The following TRRAP variants were observed in gnomAD, a reference collection of about 807,000 sequenced individuals.
TRRAP encodes the protein transformation/transcription domain-associated protein.
In TRRAP, 41 loss-of-function variants were observed where a neutral mutation model predicts 438.8. That is an observed-to-expected ratio of 0.09 (90% CI 0.07 to 0.12). The LOEUF is 0.12. TRRAP is among the 10% of genes least tolerant of loss of function. The pLI is 1.00. For synonymous variants in TRRAP, 1,994 were observed against 1,962.9 expected (o/e 1.02, Z -0.42); for missense variants, 3,122 against 5,055.1 (o/e 0.62, Z 11.60).
chr7:98,963,326 A>G (rs1792003135), intron 47 of TRRAP, among the ~76,000 whole-genome samples: 1 of 151,968 alleles, frequency 6.6e-6, no homozygotes, highest in African/African-American at 2.4e-5. Context: ...GAGAGTGAGG[A>G]GTGCTTCTGG....
At chr7:98,974,130 C>A (rs989124304) in intron 53 of TRRAP, among the ~76,000 whole-genome samples, 1 of 152,144 alleles carries the variant, frequency 6.6e-6, no homozygotes, top group African/African-American at 2.4e-5. Context: ...AAGTGCTAAT[C>A]CCTCAGGAGG....
At chr7:98,881,354 C>G in intron 2 of TRRAP, 104 bp downstream of exon 2, 1 of 1,036,686 alleles carries the variant, frequency 9.6e-7, no homozygotes, top group Non-Finnish European at 1.4e-6. Flanking sequence ...GGGTGGATCA[C>G]CTGATGTCAG....
intron 69 of TRRAP, among the ~76,000 whole-genome samples, chr7:99,006,024 G>T (rs1398660821): frequency 6.6e-6 from 1 of 152,186 alleles, no homozygotes; most frequent in East Asian, 1.9e-4. Flanking sequence ...TTCATTCCTG[G>T]GTGAAATGCA....
chr7:98,928,170 G>A (rs1790141204), intron 23 of TRRAP, among the ~76,000 whole-genome samples: 1 of 152,086 alleles, frequency 6.6e-6, no homozygotes, highest in African/African-American at 2.4e-5. Context: ...CCTGGGAGGC[G>A]GAGGTTGTGG....
intron 51 of TRRAP, among the ~76,000 whole-genome samples, chr7:98,969,291 C>G (rs1792300815): frequency 6.6e-6 from 1 of 152,224 alleles, no homozygotes; most frequent in Non-Finnish European, 1.5e-5. Flanking sequence ...CTCTGCATCC[C>G]CATCTCATCC....
At chr7:98,999,250 G>C in intron 67 of TRRAP, 1 of 1,180,642 alleles carries the variant, frequency 8.5e-7, no homozygotes, top group East Asian at 2.3e-5. Flanking sequence ...TCACTGCCCA[G>C]CTTCTCGCAG....
intron 3 of TRRAP, among the ~76,000 whole-genome samples, chr7:98,888,745 C>T (rs1448046780): frequency 6.6e-6 from 1 of 152,140 alleles, no homozygotes; most frequent in East Asian, 1.9e-4. Context: ...AAGGTGTCCT[C>T]CGCCCTTGGT....
At chr7:98,964,848 G>A in intron 48 of TRRAP, 73 bp downstream of exon 48, 2 of 1,493,698 alleles carry the variant, frequency 1.3e-6, no homozygotes, top group Non-Finnish European at 1.8e-6. Flanking sequence ...GTGCAGGCTG[G>A]GGCTGAACTC....
At position 98,910,217 on chromosome 7, in the gene TRRAP, T is replaced by TCCCCCCCCCCCCCCCCCCCC; in HGVS notation, c.1512_1513insCCCCCCCCCCCCCCCCCCCC (p.Ala505ProfsTer22). ...CTGCTCCCTCCCCAGCCCCTGTCCC[T>TCCCCCCCCCCCCCCCCCCCC]GCCCCACCTCCACCCCCGCCCCCAC... On this transcript the variant is annotated frameshift_variant, in exon 15 of 73. Coordinates refer to ENST00000456197, the MANE Select transcript of TRRAP (RefSeq NM_001375524.1). LOFTEE classifies it high-confidence loss of function. 1 of 1,045,586 alleles carries TCCCCCCCCCCCCCCCCCCCC rather than the reference T, an allele frequency of 9.6e-7. No homozygotes were observed. The highest frequency in any genetic ancestry group is 1.2e-6 in the Non-Finnish European group (1 of 806,028). 64.8% of individuals were successfully genotyped at this position (1,045,586 alleles called of 1,614,324 possible). A position where few individuals can be genotyped will look rare whatever the true frequency, so the allele number is the denominator to read the frequency against.
At position 98,965,732 on chromosome 7, in the gene TRRAP, T is replaced by G; in HGVS notation, c.7013T>G (p.Val2338Gly). The change falls in exon 49 of 73, where the codon GTG (valine) becomes GGG (glycine). Residue 2338 changes from valine (V) to glycine (G), a missense_variant. Val to Gly is a moderately radical substitution (Grantham distance 109). This residue lies in a region of TRRAP where 992 missense variants were observed against 1,281.2 expected (regional missense o/e 0.77). Transcript: ENST00000456197. ...SELVMLSLEL[V>G]KTRLAVMSME... ...CTGGTGATGCTGAGTCTGGAGCTGG[T>G]GAAGACGCGCCTGGCAGTGATGAGC... 1 of 1,614,110 alleles carries G rather than the reference T, an allele frequency of 6.2e-7. No homozygotes were observed. The highest frequency in any genetic ancestry group is 8.5e-7 in the Non-Finnish European group (1 of 1,180,022).
In TRRAP at chr7:98,917,814, T is replaced by C. The variant is rs1353695452; in HGVS notation, c.2622+135T>C. On this transcript the variant is annotated intron_variant, in intron 20 of 72. Coordinates refer to ENST00000456197, the MANE Select transcript of TRRAP (RefSeq NM_001375524.1). Reference sequence around the variant, plus strand: ...CTGTTTAATTCATCTTCGTGAGTCTTCTGGTGGATTGAAATATGTAAAGAA... The same window carrying C: ...CTGTTTAATTCATCTTCGTGAGTCTCCTGGTGGATTGAAATATGTAAAGAA... 5 of 1,252,740 alleles carry C rather than the reference T, an allele frequency of 4.0e-6. No homozygotes were observed. The African/African-American group carries it at 7.6e-5, about 19-fold the overall frequency. 77.6% of individuals were successfully genotyped at this position (1,252,740 alleles called of 1,614,324 possible).
chr7:98,936,576 G>C (rs1790565625), intron 28 of TRRAP, among the ~76,000 whole-genome samples: 1 of 152,198 alleles, frequency 6.6e-6, no homozygotes, highest in Non-Finnish European at 1.5e-5. Context: ...AAGCTGGGTA[G>C]TGAAGAAAGG....
chr7:98,929,187 G>T (rs948956485), intron 23 of TRRAP, among the ~76,000 whole-genome samples: 3 of 151,892 alleles, frequency 2.0e-5, no homozygotes, highest in African/African-American at 7.3e-5. Context: ...TGATCCACCC[G>T]CCTCGGCCTC....
rs1325211420 is a variant in TRRAP, at chr7:98,953,152, G to C, written c.5464-15G>C. 1 of 1,607,272 alleles carries C rather than the reference G, an allele frequency of 6.2e-7. No individual in the cohort carries two copies. On this transcript the variant is annotated splice_polypyrimidine_tract_variant and intron_variant, in intron 39 of 72. Transcript: ENST00000456197. Reference sequence around the variant, plus strand: ...TCACAACTGGAAATGAGTCCTTCCTGCTGTCCCTGCACAGGTCCTGGACCC... The same window carrying C: ...TCACAACTGGAAATGAGTCCTTCCTCCTGTCCCTGCACAGGTCCTGGACCC...
intron 57 of TRRAP, 106 bp from the exon 58 acceptor site, chr7:98,978,663 T>C: frequency 6.8e-7 from 1 of 1,469,178 alleles, no homozygotes; most frequent in Non-Finnish European, 9.4e-7. Context: ...ACTGTGTTGT[T>C]CTTCTGTAGA....
At chr7:98,930,351 C>T (rs1033546615) in intron 24 of TRRAP, 145 bp downstream of exon 24, 120 of 1,070,920 alleles carry the variant, frequency 1.1e-4, no homozygotes, top group Middle Eastern at 9.2e-4. Context: ...CCAAGGCGGG[C>T]GGCTCACCTG....
At chr7:98,918,872 A>C (rs1450241847) in intron 20 of TRRAP, among the ~76,000 whole-genome samples, 1 of 151,928 alleles carries the variant, frequency 6.6e-6, no homozygotes, top group Non-Finnish European at 1.5e-5. Context: ...CCTGGCCAAC[A>C]TGGCGAAACC....
intron 52 of TRRAP, among the ~76,000 whole-genome samples, chr7:98,970,903 A>G (rs1792388266): frequency 6.6e-6 from 1 of 152,028 alleles, no homozygotes; most frequent in Non-Finnish European, 1.5e-5. Flanking sequence ...ACGAAGGTTG[A>G]TGCCTTAGGC....
intron 65 of TRRAP, 132 bp downstream of exon 65, chr7:98,992,359 TG>T: frequency 1.1e-6 from 1 of 886,302 alleles, no homozygotes; most frequent in Non-Finnish European, 1.8e-6. Context: ...CTCTCCTCAG[TG>T]GGCAGCACCG....
Sources: gnomAD v4.1 joint callset for allele counts (sites outside exome capture counted in the v4.1 genomes callset) on GRCh38, gnomAD v4.1.1 for gene constraint, gnomAD v4.1.1 regional missense constraint, MANE v1.5 for transcripts, NCBI Gene and HGNC (gene_info 2026-07-23, HGNC 2026-07-21) for gene names.